ZNF174: variants seen among roughly 807,000 people sequenced by gnomAD.
ZNF174 encodes the protein zinc finger protein 174, also known as AW-1.
Under a neutral mutation model 38.7 loss-of-function variants are expected in ZNF174, and 30 were observed. The observed-to-expected ratio is 0.78, with a 90% confidence interval of 0.58 to 1.05. The LOEUF (loss-of-function observed/expected upper bound fraction) is 1.05. Ranked by LOEUF, ZNF174 falls within the 50% of genes least tolerant of loss-of-function variation. The pLI is 0.00. For synonymous variants in ZNF174, 201 were observed against 181.7 expected (o/e 1.11, Z -0.86); for missense variants, 499 against 495.6 (o/e 1.01, Z -0.06).
In ZNF174 at chr16:3,402,304, G is replaced by A. The variant is rs774202916; in HGVS notation, c.300G>A (p.Pro100=). 1.9e-6 allele frequency: 3 copies of A among 1,613,976 alleles called. No homozygotes were observed. The highest frequency in any genetic ancestry group is 2.2e-5 in the South Asian group (2 of 91,090). Residue 100 remains proline, a synonymous_variant, in exon 1 of 3, where the codon CCG becomes CCA. Coordinates refer to ENST00000268655, the MANE Select transcript of ZNF174 (RefSeq NM_003450.3). ...AGCAGTTCCTGACCATCCTGCCCCC[G>A]GAGATCCAGGCTCGGGTCAGGCATC... ...VMEQFLTILP[P]EIQARVRHRC... is the part of the protein sequence containing the mutation.
chr16:3,403,793 T>TA (rs1250000192), intron 1 of ZNF174, among the ~76,000 whole-genome samples: 1 of 152,158 alleles, frequency 6.6e-6, no homozygotes, highest in African/African-American at 2.4e-5. Context: ...CTGACTAGCT[T>TA]ATTGTCTTTG....
intron 1 of ZNF174, among the ~76,000 whole-genome samples, chr16:3,403,162 T>C (rs112921189): frequency 2.0e-5 from 2 of 100,880 alleles, no homozygotes; most frequent in African/African-American, 4.2e-5. Flanking sequence ...TTTTTTTTTT[T>C]TTTTTTTTTT....
In ZNF174 at chr16:3,402,022, G is replaced by A. The variant is rs1410017301; in HGVS notation, c.18G>A (p.Glu6=). Residue 6 remains glutamate (E), a synonymous_variant, in exon 1 of 3, where the codon GAG becomes GAA. Coordinates refer to ENST00000268655, the MANE Select transcript of ZNF174 (RefSeq NM_003450.3). Reference sequence around the variant, plus strand: ...CGCCCAAAATGGCAGCTAAAATGGAGATAACTTTAAGCTCCAACACTGAAG... The same window carrying A: ...CGCCCAAAATGGCAGCTAAAATGGAAATAACTTTAAGCTCCAACACTGAAG... MAAKM[E]ITLSSNTEAS... The A allele has an allele frequency of 6.2e-7, 1 of 1,612,586 alleles. No individual in the cohort carries two copies. Among genetic ancestry groups the A allele is most frequent in the Non-Finnish European group, 8.5e-7 (1 of 1,179,710 alleles).
In ZNF174 at chr16:3,406,796, T is replaced by C. The variant is rs1424407121; in HGVS notation, c.626-1525T>C. On this transcript the variant is annotated intron_variant, in intron 2 of 2. Coordinates refer to ENST00000268655, the MANE Select transcript of ZNF174 (RefSeq NM_003450.3). ...CTGCAGTCTAATTTATCTATTTTTT[T>C]CTTTCTTTATGCTTTGGTGTCATAT... Among the ~76,000 whole-genome samples the C allele has an allele frequency of 5.9e-5, 9 of 152,242 alleles. No individual in the cohort carries two copies. In the East Asian group the frequency reaches 1.7e-3, roughly 29 times the overall value.
intron 2 of ZNF174, among the ~76,000 whole-genome samples, chr16:3,405,940 C>T (rs144132370): frequency 2.4e-4 from 37 of 152,222 alleles, no homozygotes; most frequent in African/African-American, 7.5e-4. Context: ...CCTGGGAGGT[C>T]GAGGCTGCAG....
rs756698075 is a variant in ZNF174 at position 3,404,462 on chromosome 16, G to C, written c.439G>C (p.Glu147Gln). The change falls in exon 2 of 3, where the codon GAG becomes CAG. Residue 147 changes from glutamate to glutamine, a missense_variant. Transcript: ENST00000268655. ...TATGCAGGGGCAAAAGGTGCTCTTG[G>C]AGAAAACTGGATCTCAGCTTGGAGA... ...VCMQGQKVLL[E>Q]KTGSQLGEQE... 1 of 1,610,312 alleles carries C rather than the reference G, an allele frequency of 6.2e-7. No homozygotes were observed. Among genetic ancestry groups the C allele is most frequent in the Non-Finnish European group, 8.5e-7 (1 of 1,177,008 alleles).
At position 3,404,643 on chromosome 16, in the gene ZNF174, G is replaced by A; in HGVS notation, c.620G>A (p.Gly207Glu). ...CAAGAACCAACCCCCAAATTGGCTG[G>A]GACAGGTAAACACTCTGCCTTTTCT... is the stretch of plus-strand genomic sequence containing the variant. ...LLQEPTPKLA[G>E]TEAPRMRSDN... Residue 207 changes from glycine (G) to glutamate (E), a missense_variant, in exon 2 of 3, where the codon GGG becomes GAG. Transcript: ENST00000268655. 1 of 1,614,100 alleles carries A rather than the reference G, an allele frequency of 6.2e-7. No individual in the cohort carries two copies.
rs766018270 is a variant in ZNF174 at position 3,402,095 on chromosome 16, C to A, written c.91C>A (p.Arg31=). The A allele has an allele frequency of 5.0e-6, 8 of 1,614,164 alleles. No homozygotes were observed. Among genetic ancestry groups the A allele is most frequent in the Non-Finnish European group, 6.8e-6 (8 of 1,180,022 alleles). ...RHIIAKLEEK[R]GPPLQKNCPD... ...CATAATAGCCAAACTAGAAGAGAAA[C>A]GGGGCCCTCCTCTGCAAAAAAACTG... Residue 31 remains arginine, a synonymous_variant, in exon 1 of 3, where the codon CGG becomes AGG. Transcript: ENST00000268655.
chr16:3,405,194 T>C, intron 2 of ZNF174: 1 of 980,300 alleles, frequency 1.0e-6, no homozygotes, highest in Non-Finnish European at 1.4e-6. Context: ...TGGCCAAGCC[T>C]GGTGATGTGA....
At position 3,404,596 on chromosome 16, in the gene ZNF174, T is replaced by C. The variant is rs1242183545; in HGVS notation, c.573T>C (p.His191=). The stretch of plus-strand genomic sequence containing the variant: ...CTTATGACCGGCTGAGCCCCCATCA[T>C]TGGGAGAAATCCCCACTCCTCCAAG... ...AGAYDRLSPH[H]WEKSPLLQEP... The change falls in exon 2 of 3, where the codon CAT becomes CAC. Residue 191 remains histidine, a synonymous_variant. Coordinates refer to ENST00000268655, the MANE Select transcript of ZNF174 (RefSeq NM_003450.3). 11 of 1,614,094 alleles carry C rather than the reference T, an allele frequency of 6.8e-6. No homozygotes were observed. Among genetic ancestry groups the C allele is most frequent in the East Asian group, 4.5e-5 (2 of 44,890 alleles).
intron 2 of ZNF174, among the ~76,000 whole-genome samples, chr16:3,407,465 GTA>G (rs1261407416): frequency 6.6e-6 from 1 of 152,090 alleles, no homozygotes; most frequent in African/African-American, 2.4e-5. Flanking sequence ...GACCCTGATT[GTA>G]TAGGCTGATT....
chr16:3,402,208 A>T lies in ZNF174; in HGVS notation c.204A>T (p.Arg68=). Reference sequence around the variant, plus strand: ...CCCAAGAGGCTCTCTCCCAGCTCCGACAGCTCTGCCGTCAGTGGTTGCAAC... The same window carrying T: ...CCCAAGAGGCTCTCTCCCAGCTCCGTCAGCTCTGCCGTCAGTGGTTGCAAC... ...SGPQEALSQL[R]QLCRQWLQPE... Residue 68 remains arginine (R), a synonymous_variant, in exon 1 of 3, where the codon CGA becomes CGT. Transcript: ENST00000268655. 1 of 1,612,850 alleles carries T rather than the reference A, an allele frequency of 6.2e-7. No homozygotes were observed. The highest frequency in any genetic ancestry group is 8.5e-7 in the Non-Finnish European group (1 of 1,178,980).
Position 3,408,502 on chromosome 16 carries a change from T to C in ZNF174, c.807T>C (p.Ala269=). ...LSRRQVSSPN[A]QKPFAHYQRH... ...GGAGGCAGGTCAGCTCCCCAAATGCTCAAAAGCCATTTGCTCACTACCAGA... is the reference window on the plus strand; with the variant it reads ...GGAGGCAGGTCAGCTCCCCAAATGCCCAAAAGCCATTTGCTCACTACCAGA... The change falls in exon 3 of 3, where the codon GCT becomes GCC. Residue 269 remains alanine, a synonymous_variant. Transcript: ENST00000268655. 1 of 1,613,830 alleles carries C rather than the reference T, an allele frequency of 6.2e-7. No individual in the cohort carries two copies. The highest frequency in any genetic ancestry group is 2.2e-5 in the East Asian group (1 of 44,872).
chr16:3,407,498 GAATT>G (rs2034071549), intron 2 of ZNF174, among the ~76,000 whole-genome samples: 1 of 152,108 alleles, frequency 6.6e-6, no homozygotes, highest in Non-Finnish European at 1.5e-5. Flanking sequence ...GAATTTAAAT[GAATT>G]AAAATTAAAA....
chr16:3,404,677 C>T (rs765518594), intron 2 of ZNF174, 29 bp downstream of exon 2: 2 of 1,612,146 alleles, frequency 1.2e-6, no homozygotes, highest in South Asian at 1.1e-5. Context: ...CTCTCCCTCT[C>T]ATCAGCCCTT....
rs1201538889 is a variant in ZNF174, at chr16:3,404,558, T to C, written c.535T>C (p.Ser179Pro). ...CAGGGAGAGCTCTCCAGCAGAGCCT[T>C]CCCAGGCAGGAGCTTATGACCGGCT... Reference protein sequence around the residue: ...DLRESSPAEPSQAGAYDRLSP... With the variant: ...DLRESSPAEPPQAGAYDRLSP... The change falls in exon 2 of 3, where the codon TCC becomes CCC. Residue 179 changes from serine to proline, a missense_variant. Physicochemically the swap from Ser to Pro is moderately conservative, Grantham distance 74 (BLOSUM62 -1). Transcript: ENST00000268655. The C allele has an allele frequency of 6.2e-7, 1 of 1,614,136 alleles. No homozygotes were observed. The highest frequency in any genetic ancestry group is 1.7e-5 in the Admixed American group (1 of 60,016).
rs372250024 is a variant in ZNF174, at chr16:3,402,318, G to C, written c.314G>C (p.Arg105Pro). ...ATCCTGCCCCCGGAGATCCAGGCTC[G>C]GGTCAGGCATCGATGTCCAATGAGC... ...LTILPPEIQA[R>P]VRHRCPMSSK... is the part of the protein sequence containing the mutation. The change falls in exon 1 of 3, where the codon CGG (arginine) becomes CCG (proline). Residue 105 changes from arginine (R) to proline (P), a missense_variant. Transcript: ENST00000268655. The C allele has an allele frequency of 5.6e-6, 9 of 1,614,076 alleles. No homozygotes were observed. In the South Asian group the frequency reaches 7.7e-5, roughly 14 times the overall value.
chr16:3,408,759 C>A lies in ZNF174; in HGVS notation c.1064C>A (p.Thr355Lys), dbSNP rs751682051. 1 of 1,614,036 alleles carries A rather than the reference C, an allele frequency of 6.2e-7. No individual in the cohort carries two copies. Among genetic ancestry groups the A allele is most frequent in the Non-Finnish European group, 8.5e-7 (1 of 1,180,040 alleles). ...GTCCACACAGGAGAGAGACCCTACA[C>A]GTGCGGAGAGTGTGGAAACTGCTTT... is the stretch of plus-strand genomic sequence containing the variant. The part of the protein sequence containing the change: ...KRVHTGERPY[T>K]CGECGNCFGR... The change falls in exon 3 of 3, where the codon ACG (threonine) becomes AAG (lysine). Residue 355 changes from threonine to lysine, a missense_variant. Thr to Lys is a moderately conservative substitution (Grantham distance 78, BLOSUM62 -1). Coordinates refer to ENST00000268655, the MANE Select transcript of ZNF174 (RefSeq NM_003450.3).
chr16:3,403,541 C>A (rs538368546), intron 1 of ZNF174, among the ~76,000 whole-genome samples: 4 of 147,810 alleles, frequency 2.7e-5, no homozygotes, highest in African/African-American at 7.6e-5. Context: ...GGCTGGAGGG[C>A]AGTGGCACGA....
Sources: gnomAD v4.1 joint callset for allele counts (sites outside exome capture counted in the v4.1 genomes callset) on GRCh38, gnomAD v4.1.1 for gene constraint, MANE v1.5 for transcripts, NCBI Gene and HGNC (gene_info 2026-07-23, HGNC 2026-07-21) for gene names.